Variants in CPED1 observed in about 807,000 individuals in gnomAD.
CPED1 encodes cadherin like and PC-esterase domain containing 1, also known as cadherin-like and PC-esterase domain-containing protein 1.
CPED1 carries 114 observed loss-of-function variants against 128.2 expected under a neutral mutation model. The observed-to-expected ratio is 0.89, with a 90% CI of 0.76 to 1.04. CPED1 has a LOEUF of 1.04. CPED1 is among the 50% of genes least tolerant of loss of function. The probability of loss-of-function intolerance (pLI) is 0.00; values close to 1 mark genes in which losing one functional copy is unlikely to be tolerated. For synonymous variants in CPED1, 462 were observed against 426.7 expected, an observed-to-expected ratio of 1.08 and a Z score of -1.02; for missense variants, 1,211 against 1,207.1, an observed-to-expected ratio of 1.00 and a Z score of -0.05.
chr7:121,063,883 G>A (rs527507637), intron 4 of CPED1, among the ~76,000 whole-genome samples: 2 of 152,158 alleles, frequency 1.3e-5, no homozygotes, highest in Admixed American at 1.3e-4. Flanking sequence ...ATTTTGGAAC[G>A]GGTTTAACAC....
At chr7:121,253,933 G>T (rs1798745815) in intron 18 of CPED1, among the ~76,000 whole-genome samples, 1 of 151,830 alleles carries the variant, frequency 6.6e-6, no homozygotes, top group Non-Finnish European at 1.5e-5. Flanking sequence ...GTTCTTGTTG[G>T]CCTATGAACA....
In CPED1 at chr7:121,200,973, G is replaced by T. The variant is rs568330939; in HGVS notation, c.2056-35741G>T. Among the ~76,000 whole-genome samples the T allele has an allele frequency of 9.9e-5, 15 of 152,178 alleles. No individual in the cohort carries two copies. The South Asian group carries it at 3.1e-3, about 32-fold the overall frequency. ...CAAAAGAGAGAGCAGTGAAGAGAAGGTTAGATAGGGCAAGGCACAGAATCA... is the reference window on the plus strand; with the variant it reads ...CAAAAGAGAGAGCAGTGAAGAGAAGTTTAGATAGGGCAAGGCACAGAATCA... On this transcript the variant is annotated intron_variant, in intron 16 of 22. Transcript: ENST00000310396.
At position 121,019,053 on chromosome 7, in the gene CPED1, T is replaced by C. The variant is rs567146041; in HGVS notation, c.433+3205T>C. Among the ~76,000 whole-genome samples the C allele has an allele frequency of 1.9e-4, 29 of 152,080 alleles. No homozygotes were observed. In the South Asian group the frequency reaches 6.0e-3, roughly 32 times the overall value. On this transcript the variant is annotated intron_variant, in intron 3 of 22. Transcript: ENST00000310396. The stretch of plus-strand genomic sequence containing the variant: ...CACTATTAAATATAATATTTACTGG[T>C]AGAGTAACTTTGAGTTTTGTATTTG...
chr7:121,158,031 A>G (rs890173063), intron 16 of CPED1, among the ~76,000 whole-genome samples: 2 of 152,222 alleles, frequency 1.3e-5, no homozygotes, highest in Non-Finnish European at 2.9e-5. Flanking sequence ...GATGCATTAT[A>G]TGCACAATTA....
chr7:121,103,331 T>C (rs975311811), intron 7 of CPED1, among the ~76,000 whole-genome samples: 10 of 152,192 alleles, frequency 6.6e-5, no homozygotes, highest in Non-Finnish European at 1.3e-4. Context: ...AGGGAGGTAG[T>C]GCAGCTTCCT....
intron 4 of CPED1, among the ~76,000 whole-genome samples, chr7:121,055,162 A>T (rs1189608503): frequency 6.6e-6 from 1 of 152,110 alleles, no homozygotes; most frequent in African/African-American, 2.4e-5. Flanking sequence ...CTTGCCATAA[A>T]CCTTTGCATA....
chr7:121,215,661 T>C lies in CPED1; in HGVS notation c.2056-21053T>C, dbSNP rs80150244. Among the ~76,000 whole-genome samples, 713 of 152,210 alleles carry C rather than the reference T, an allele frequency of 4.7e-3. 5 individuals carry two copies. Among genetic ancestry groups the C allele is most frequent in the African/African-American group, 0.016 (680 of 41,576 alleles). ...ATATCATTATTTATTTGATATGACA[T>C]ATAATTTGAAGTAGTCCAAATCTCT... On this transcript the variant is annotated intron_variant, in intron 16 of 22. Coordinates refer to ENST00000310396, the MANE Select transcript of CPED1 (RefSeq NM_024913.5).
intron 22 of CPED1, among the ~76,000 whole-genome samples, chr7:121,271,632 TTA>T (rs1479742392): frequency 6.6e-6 from 1 of 152,114 alleles, no homozygotes; most frequent in Admixed American, 6.6e-5. Flanking sequence ...GTTAAAAAAT[TTA>T]TGTTTGTTTA....
chr7:121,242,905 TATC>T lies in CPED1; in HGVS notation c.2174-1293_2174-1291del, dbSNP rs572211927. 9.2e-5 allele frequency among the ~76,000 whole-genome samples: 14 copies of T among 152,240 alleles called. No individual in the cohort carries two copies. In the South Asian group the frequency reaches 2.9e-3, roughly 32 times the overall value. ...TTCAATCAGTAAGAGCCATAAACTATATCATCTTTCATATTTTATATTAATAAC... is the reference window on the plus strand; with the variant it reads ...TTCAATCAGTAAGAGCCATAAACTATATCTTTCATATTTTATATTAATAAC... On this transcript the variant is annotated intron_variant, in intron 17 of 22. Coordinates refer to ENST00000310396, the MANE Select transcript of CPED1 (RefSeq NM_024913.5).
At chr7:121,045,427 A>C (rs1018830790) in intron 3 of CPED1, among the ~76,000 whole-genome samples, 2 of 152,240 alleles carry the variant, frequency 1.3e-5, no homozygotes, top group African/African-American at 2.4e-5. Context: ...TAGCCCAGAC[A>C]ACACAAGATT....
intron 22 of CPED1, among the ~76,000 whole-genome samples, chr7:121,281,740 T>C (rs751012142): frequency 1.3e-5 from 2 of 152,178 alleles, no homozygotes; most frequent in Non-Finnish European, 2.9e-5. Flanking sequence ...AAAATATTTG[T>C]CTTTGAAACA....
intron 7 of CPED1, among the ~76,000 whole-genome samples, 166 bp from the exon 8 acceptor site, chr7:121,124,165 A>C (rs760811066): frequency 3.3e-5 from 5 of 152,192 alleles, no homozygotes; most frequent in Non-Finnish European, 7.3e-5. Context: ...TTTCTCTTTC[A>C]ATATACCTGT....
chr7:121,234,268 C>A (rs1798204543), intron 16 of CPED1, among the ~76,000 whole-genome samples: 1 of 152,022 alleles, frequency 6.6e-6, no homozygotes, highest in South Asian at 2.1e-4. Context: ...CTCTCCCCAG[C>A]CTTCACCATT....
At chr7:121,005,964 TG>T (rs141417639) in intron 2 of CPED1, among the ~76,000 whole-genome samples, 89 of 152,202 alleles carry the variant, frequency 5.8e-4, no homozygotes, top group African/African-American at 1.2e-3. Context: ...TGAGTGGGGT[TG>T]GGGGAAATAG....
intron 16 of CPED1, among the ~76,000 whole-genome samples, chr7:121,218,186 G>C (rs1023335198): frequency 2.0e-5 from 3 of 149,496 alleles, no homozygotes; most frequent in African/African-American, 7.4e-5. Context: ...GTAGAGACAG[G>C]GTTTTACCAT....
intron 2 of CPED1, among the ~76,000 whole-genome samples, chr7:121,006,578 G>A (rs1010867673): frequency 4.0e-5 from 6 of 151,850 alleles, no homozygotes; most frequent in African/African-American, 1.5e-4. Flanking sequence ...ATTTTCATTG[G>A]CTCCAAAATA....
intron 6 of CPED1, among the ~76,000 whole-genome samples, chr7:121,098,452 C>A (rs1794753240): frequency 6.6e-6 from 1 of 151,816 alleles, no homozygotes; most frequent in Non-Finnish European, 1.5e-5. Context: ...TTAAAGTAGG[C>A]CAGGTGCAGT....
At chr7:120,989,324 G>T in intron 1 of CPED1, 67 bp from the exon 2 acceptor site, 1 of 348,660 alleles carries the variant, frequency 2.9e-6, no homozygotes, top group Non-Finnish European at 5.4e-6. Flanking sequence ...CAACAGTTTG[G>T]CAGCCTGGGG....
intron 16 of CPED1, among the ~76,000 whole-genome samples, chr7:121,181,063 G>A (rs2116497738): frequency 6.6e-6 from 1 of 152,100 alleles, no homozygotes; most frequent in South Asian, 2.1e-4. Context: ...CAACAGTAAG[G>A]GTTCTACTGT....
Sources: allele counts gnomAD v4.1 joint callset (sites outside exome capture counted in the v4.1 genomes callset), GRCh38; gene constraint gnomAD v4.1.1; transcripts MANE v1.5; gene names NCBI Gene and HGNC (gene_info 2026-07-23, HGNC 2026-07-21).